LSG1: variants seen among roughly 807,000 people sequenced by gnomAD.
The protein encoded by LSG1 is large subunit GTPase 1 homolog.
A neutral mutation model predicts 82.6 loss-of-function variants in LSG1; 55 were observed. That is an observed-to-expected ratio of 0.67 (90% CI 0.54 to 0.83). The LOEUF (loss-of-function observed/expected upper bound fraction) is 0.83, where lower values mean the gene tolerates loss of function less well. Among genes scored for constraint, LSG1 ranks in the 40% least tolerant of loss-of-function variants. The pLI is 0.00. For synonymous variants in LSG1, 272 were observed against 282.5 expected, an observed-to-expected ratio of 0.96 and a Z score of 0.37; for missense variants, 809 against 807.9, an observed-to-expected ratio of 1.00 and a Z score of -0.02.
chr3:194,661,382 C>T (rs1718924305), intron 5 of LSG1, among the ~76,000 whole-genome samples: 1 of 152,158 alleles, frequency 6.6e-6, no homozygotes. Context: ...TGTTTACATA[C>T]AGAACATGTA....
chr3:194,647,881 AAT>A (rs35505799), intron 11 of LSG1, among the ~76,000 whole-genome samples: 22,768 of 152,046 alleles, frequency 0.15, 2,381 homozygotes, highest in East Asian at 0.46. Context: ...CTGTAATTAG[AAT>A]AGTCTTACCA....
intron 1 of LSG1, among the ~76,000 whole-genome samples, chr3:194,671,234 C>T (rs958642912): frequency 1.3e-5 from 2 of 152,174 alleles, no homozygotes; most frequent in Admixed American, 1.3e-4. Context: ...CCCACAGTTT[C>T]CTAAAAGGCT....
chr3:194,648,806 T>C lies in LSG1; in HGVS notation c.1420-2A>G, dbSNP rs1718610287. The C allele has an allele frequency of 2.5e-6, 4 of 1,613,922 alleles. No individual in the cohort carries two copies. The highest frequency in any genetic ancestry group is 3.4e-6 in the Non-Finnish European group (4 of 1,179,874). On this transcript the variant is annotated splice_acceptor_variant, in intron 10 of 13. Transcript: ENST00000265245. LOFTEE classifies it high-confidence loss of function. The stretch of plus-strand genomic sequence containing the variant: ...ATGTCTTGGAATATTCTGGCAAACG[T>C]AGCTTGTCAGGGAATCCATTCTCTT...
intron 2 of LSG1, 45 bp from the exon 3 acceptor site, chr3:194,666,617 A>T: frequency 1.3e-6 from 2 of 1,541,532 alleles, no homozygotes; most frequent in Non-Finnish European, 1.8e-6. Context: ...GGCAGTATAG[A>T]TACAGAGTGT....
chr3:194,659,527 T>C (rs939436092), intron 6 of LSG1, among the ~76,000 whole-genome samples: 1 of 152,118 alleles, frequency 6.6e-6, no homozygotes, highest in African/African-American at 2.4e-5. Context: ...ATAATATGTA[T>C]TACAGTTCTC....
chr3:194,641,798 TAG>T lies in LSG1; in HGVS notation c.*268_*269del. ...CTGGCTAATTTTTTTGTATTTTTAG[TAG>T]AGACGGGGTTTCTCCATGTTGGTGC... On this transcript the variant is annotated 3_prime_UTR_variant, in exon 14 of 14. Coordinates refer to ENST00000265245, the MANE Select transcript of LSG1 (RefSeq NM_018385.3). The T allele has an allele frequency of 3.5e-6, 1 of 288,442 alleles. No individual in the cohort carries two copies. Among genetic ancestry groups the T allele is most frequent in the Non-Finnish European group, 6.4e-6 (1 of 156,688 alleles). 17.9% of individuals were successfully genotyped at this position (288,442 alleles called of 1,614,324 possible). A position where few individuals can be genotyped will look rare whatever the true frequency, so the allele number is the denominator to read the frequency against.
chr3:194,663,460 C>T (rs1456863487), intron 5 of LSG1, among the ~76,000 whole-genome samples: 139 of 1,406 alleles, frequency 0.099, 5 homozygotes, highest in East Asian at 0.33. Flanking sequence ...TCTTCCGCCT[C>T]AGAGAAAGCC....
chr3:194,645,513 CACACACACACACACACAG>C (rs1718506296), intron 12 of LSG1: 2 of 52,192 alleles, frequency 3.8e-5, no homozygotes, highest in Admixed American at 2.2e-4. Flanking sequence ...CACACACACA[CACACACACACACACACAG>C]ACAGACACAC....
At chr3:194,645,569 C>G (rs1560219810) in intron 12 of LSG1, among the ~76,000 whole-genome samples, 9 of 57,290 alleles carry the variant, frequency 1.6e-4, no homozygotes, top group South Asian at 6.8e-4. Flanking sequence ...CACACACACA[C>G]AGACAGACAC....
intron 2 of LSG1, among the ~76,000 whole-genome samples, chr3:194,669,034 T>A (rs1406588008): frequency 1.3e-5 from 2 of 152,066 alleles, no homozygotes; most frequent in Admixed American, 6.6e-5. Flanking sequence ...TACCAGAGAT[T>A]AGGGAGTGGG....
At chr3:194,643,088 C>T (rs1378964358) in intron 13 of LSG1, among the ~76,000 whole-genome samples, 1 of 152,210 alleles carries the variant, frequency 6.6e-6, no homozygotes, top group African/African-American at 2.4e-5. Flanking sequence ...GTCCTATTTT[C>T]GCTATAGTAG....
intron 7 of LSG1, among the ~76,000 whole-genome samples, chr3:194,655,741 C>G (rs1444385048): frequency 6.6e-6 from 1 of 152,162 alleles, no homozygotes. Flanking sequence ...CGCTACCTGA[C>G]TTCAAACTAT....
rs751799020 is a variant in LSG1, at chr3:194,669,317, C to T, written c.226+692G>A. Among the ~76,000 whole-genome samples, 19 of 152,274 alleles carry T rather than the reference C, an allele frequency of 1.2e-4. 1 individual carries two copies. In the South Asian group the frequency reaches 3.5e-3, roughly 28 times the overall value. On this transcript the variant is annotated intron_variant, in intron 2 of 13. Transcript: ENST00000265245. Reference sequence around the variant, plus strand: ...TCACACTATATACTATAACTATATACAATTTTTAGTTGCCAATTGTGTAGC... The same window carrying T: ...TCACACTATATACTATAACTATATATAATTTTTAGTTGCCAATTGTGTAGC...
rs377741092 is a variant in LSG1 at position 194,641,770 on chromosome 3, C to T, written c.*298G>A. ...CTGGGATTACAGGTGCGCGCCACCA[C>T]GCCTGGCTAATTTTTTTGTATTTTT... On this transcript the variant is annotated 3_prime_UTR_variant, in exon 14 of 14. Transcript: ENST00000265245. 289 of 219,250 alleles carry T rather than the reference C, an allele frequency of 1.3e-3. No individual in the cohort carries two copies. The highest frequency in any genetic ancestry group is 3.7e-3 in the South Asian group (30 of 8,050). The allele number at this position is 219,250 out of a possible 1,614,324, so 13.6% of individuals were successfully genotyped here.
chr3:194,646,060 G>T, intron 12 of LSG1, 104 bp downstream of exon 12: 2 of 1,142,664 alleles, frequency 1.8e-6, no homozygotes, highest in Non-Finnish European at 2.6e-6. Context: ...CAGTTTCAAT[G>T]AAAAAATATT....
chr3:194,663,465 AAAGCC>A (rs1300397774), intron 5 of LSG1, among the ~76,000 whole-genome samples: 45 of 714 alleles, frequency 0.063, no homozygotes, highest in African/African-American at 0.22. Context: ...CGCCTCAGAG[AAAGCC>A]TTTCCCTTCT....
In LSG1 at chr3:194,651,208, G is replaced by A; in HGVS notation, c.1182C>T (p.Tyr394=). ...TTGTTGAACTCTTACCAACATTAGG[G>A]TAGCCCACCTAGAAGAGACTCAGAA... ...DGQLTVGLVG[Y]PNVGKSSTIN... The change falls in exon 9 of 14, where the codon TAC becomes TAT. Residue 394 remains tyrosine, a synonymous_variant. Transcript: ENST00000265245. 1 of 1,613,278 alleles carries A rather than the reference G, an allele frequency of 6.2e-7. No individual in the cohort carries two copies. The highest frequency in any genetic ancestry group is 8.5e-7 in the Non-Finnish European group (1 of 1,179,244).
chr3:194,651,141 T>G lies in LSG1; in HGVS notation c.1249A>C (p.Thr417Pro). ...TGAAAGTGCTTTGTGTGACCAGGTGTGGCAGACACAGATACTTTCTTGTTG... is the reference window on the plus strand; with the variant it reads ...TGAAAGTGCTTTGTGTGACCAGGTGGGGCAGACACAGATACTTTCTTGTTG... ...MGNKKVSVSATPGHTKHFQTL... is the reference protein window; with the variant it reads ...MGNKKVSVSAPPGHTKHFQTL... The change falls in exon 9 of 14, where the codon ACA becomes CCA. Residue 417 changes from threonine (T) to proline (P), a missense_variant. Coordinates refer to ENST00000265245, the MANE Select transcript of LSG1 (RefSeq NM_018385.3). 6.2e-7 allele frequency: 1 copy of G among 1,614,216 alleles called. No homozygotes were observed. Among genetic ancestry groups the G allele is most frequent in the South Asian group, 1.1e-5 (1 of 91,086 alleles).
chr3:194,659,977 A>G (rs1639413793), intron 6 of LSG1, 96 bp downstream of exon 6: 1 of 1,062,326 alleles, frequency 9.4e-7, no homozygotes, highest in Admixed American at 1.7e-5. Flanking sequence ...GAAGCCAGAG[A>G]GGGCAGAATG....
Sources: allele counts gnomAD v4.1 joint callset (sites outside exome capture counted in the v4.1 genomes callset), GRCh38; gene constraint gnomAD v4.1.1; transcripts MANE v1.5; gene names NCBI Gene and HGNC (gene_info 2026-07-23, HGNC 2026-07-21).